The following KCNIP4 variants were observed in gnomAD, a reference collection of about 807,000 sequenced individuals.
KCNIP4 encodes the protein potassium voltage-gated channel interacting protein 4, also known as Kv channel-interacting protein 4.
A neutral mutation model predicts 34.0 loss-of-function variants in KCNIP4; 12 were observed. That is an observed-to-expected ratio of 0.35 (90% confidence interval 0.23 to 0.57). The LOEUF (loss-of-function observed/expected upper bound fraction) is 0.57, where lower values mean the gene tolerates loss of function less well. Among genes scored for constraint, KCNIP4 ranks in the 20% least tolerant of loss-of-function variants. The pLI is 0.83. For missense variants in KCNIP4, 238 were observed against 311.7 expected, an observed-to-expected ratio of 0.76 and a Z score of 1.78; for synonymous variants, 124 against 102.2, an observed-to-expected ratio of 1.21 and a Z score of -1.29.
At chr4:21,093,818 G>C (rs532729856) in intron 1 of KCNIP4, among the ~76,000 whole-genome samples, 10 of 152,230 alleles carry the variant, frequency 6.6e-5, no homozygotes, top group Non-Finnish European at 7.4e-5. Context: ...CACGTTGGCT[G>C]ACGCCTGTAA....
chr4:20,907,491 T>A (rs1333529747), intron 1 of KCNIP4, among the ~76,000 whole-genome samples: 1 of 152,174 alleles, frequency 6.6e-6, no homozygotes, highest in Non-Finnish European at 1.5e-5. Context: ...TATCAAAACA[T>A]ATTCAAAACT....
At chr4:21,583,650 G>C (rs1421791754) in intron 1 of KCNIP4, among the ~76,000 whole-genome samples, 2 of 151,926 alleles carry the variant, frequency 1.3e-5, no homozygotes, top group African/African-American at 2.4e-5. Context: ...TATGTTTAAA[G>C]GGTAAATTTT....
chr4:21,275,136 T>G (rs1187354087), intron 1 of KCNIP4, among the ~76,000 whole-genome samples: 2 of 152,180 alleles, frequency 1.3e-5, no homozygotes. Context: ...ATCTGCATAG[T>G]TATCTATAGA....
chr4:21,306,252 C>T (rs1712450890), intron 1 of KCNIP4, among the ~76,000 whole-genome samples: 1 of 152,188 alleles, frequency 6.6e-6, no homozygotes. Context: ...ATGCAAAACC[C>T]ATTACTTCAT....
At chr4:21,104,218 A>C (rs1212596295) in intron 1 of KCNIP4, among the ~76,000 whole-genome samples, 1 of 151,880 alleles carries the variant, frequency 6.6e-6, no homozygotes, top group Non-Finnish European at 1.5e-5. Context: ...CAACAGTATA[A>C]AAGTGTTCCT....
chr4:21,165,545 A>G (rs1350742165), intron 1 of KCNIP4, among the ~76,000 whole-genome samples: 1 of 152,030 alleles, frequency 6.6e-6, no homozygotes, highest in Non-Finnish European at 1.5e-5. Flanking sequence ...ATGTACAAAA[A>G]TTAACTCAAA....
At chr4:20,781,977 A>G (rs1433589141) in intron 3 of KCNIP4, among the ~76,000 whole-genome samples, 1 of 152,174 alleles carries the variant, frequency 6.6e-6, no homozygotes, top group African/African-American at 2.4e-5. Context: ...GAGTACAGGT[A>G]TTAGGTAAAT....
At chr4:21,269,330 G>C (rs1762001232) in intron 1 of KCNIP4, among the ~76,000 whole-genome samples, 1 of 152,186 alleles carries the variant, frequency 6.6e-6, no homozygotes, top group South Asian at 2.1e-4. Context: ...GCGGACTATA[G>C]CTGCCCAGGT....
chr4:21,281,405 A>T (rs1762767547), intron 1 of KCNIP4, among the ~76,000 whole-genome samples: 1 of 152,128 alleles, frequency 6.6e-6, no homozygotes, highest in Non-Finnish European at 1.5e-5. Context: ...AGCTACTCCT[A>T]TGGATGCAGT....
intron 1 of KCNIP4, among the ~76,000 whole-genome samples, chr4:21,473,780 C>T (rs1013436941): frequency 6.6e-6 from 1 of 150,648 alleles, no homozygotes; most frequent in Non-Finnish European, 1.5e-5. Context: ...GTGGCGCAGT[C>T]GTGGCTTACT....
chr4:21,483,449 C>T (rs1053866694), intron 1 of KCNIP4, among the ~76,000 whole-genome samples: 1 of 150,708 alleles, frequency 6.6e-6, no homozygotes, highest in African/African-American at 2.4e-5. Context: ...TAGTACCATC[C>T]CTCTAGTCCT....
intron 1 of KCNIP4, among the ~76,000 whole-genome samples, chr4:21,745,070 A>G (rs948489689): frequency 6.6e-6 from 1 of 152,212 alleles, no homozygotes; most frequent in Non-Finnish European, 1.5e-5. Context: ...TTGACCCAAC[A>G]GCAAAACTAA....
chr4:21,564,123 G>A (rs73800229), intron 1 of KCNIP4, among the ~76,000 whole-genome samples: 1,675 of 152,144 alleles, frequency 0.011, 34 homozygotes, highest in African/African-American at 0.039. Context: ...CCAAAACCAC[G>A]GATCTCCCCT....
chr4:21,823,826 TA>T (rs201741462), intron 1 of KCNIP4, among the ~76,000 whole-genome samples: 41 of 151,176 alleles, frequency 2.7e-4, no homozygotes, highest in African/African-American at 9.2e-4. Context: ...ATCACACACA[TA>T]AAAAAAAATG....
chr4:21,778,429 C>T (rs987473921), intron 1 of KCNIP4, among the ~76,000 whole-genome samples: 4 of 151,344 alleles, frequency 2.6e-5, no homozygotes, highest in Admixed American at 2.0e-4. Flanking sequence ...GAAATGGGAT[C>T]GCATCATGTT....
intron 1 of KCNIP4, among the ~76,000 whole-genome samples, chr4:21,302,698 G>T (rs968964540): frequency 1.3e-5 from 2 of 151,724 alleles, no homozygotes; most frequent in East Asian, 3.9e-4. Flanking sequence ...ACCATCCCCC[G>T]CCTCCTGCGC....
chr4:21,386,751 C>T (rs751402703), intron 1 of KCNIP4, among the ~76,000 whole-genome samples: 27 of 152,194 alleles, frequency 1.8e-4, no homozygotes, highest in Middle Eastern at 3.4e-3. Context: ...GTTTATGGTG[C>T]CAGACACCAC....
intron 1 of KCNIP4, among the ~76,000 whole-genome samples, chr4:21,708,326 A>C (rs954678969): frequency 3.9e-5 from 6 of 152,046 alleles, no homozygotes; most frequent in African/African-American, 1.4e-4. Flanking sequence ...TGTTTGGCCT[A>C]TTTGCATCAG....
At chr4:21,362,026 T>C (rs1719283168) in intron 1 of KCNIP4, among the ~76,000 whole-genome samples, 1 of 151,996 alleles carries the variant, frequency 6.6e-6, no homozygotes, top group Admixed American at 6.6e-5. Context: ...GCAAATTAGA[T>C]ACCTGCTGGG....
Sources: allele counts gnomAD v4.1 joint callset (sites outside exome capture counted in the v4.1 genomes callset), GRCh38; gene constraint gnomAD v4.1.1; transcripts MANE v1.5; gene names NCBI Gene and HGNC (gene_info 2026-07-23, HGNC 2026-07-21).